The following PNCK variants were observed in gnomAD, a reference collection of about 807,000 sequenced individuals.
PNCK encodes pregnancy up-regulated nonubiquitous CaM kinase.
In PNCK, 21 loss-of-function variants were observed where a neutral mutation model predicts 28.3. The observed-to-expected ratio is 0.74, with a 90% CI of 0.53 to 1.07. The LOEUF is 1.07. PNCK is among the 50% of genes least tolerant of loss of function. The pLI is 0.00. For synonymous variants in PNCK, 136 were observed against 125.2 expected (o/e 1.09, Z -0.58); for missense variants, 250 against 298.3 (o/e 0.84, Z 1.19).
intron 1 of PNCK, 161 bp downstream of exon 1, chrX:153,673,619 T>A: frequency 1.4e-5 from 4 of 286,033 alleles, no homozygotes; most frequent in Non-Finnish European, 9.8e-6. Context: ...CCTGGCAGCC[T>A]GGGCCGCCCG....
At chrX:153,674,474 A>G, upstream of PNCK, 1 of 238,571 alleles carries the variant, frequency 4.2e-6, no homozygotes, top group Non-Finnish European at 7.6e-6. Context: ...CCCTGCCTGG[A>G]ATGTTCTTCG....
chrX:153,671,480 G>C (rs1474746768), intron 6 of PNCK, 69 bp downstream of exon 6: 2 of 1,209,036 alleles, frequency 1.7e-6, no homozygotes, highest in Non-Finnish European at 2.2e-6. Flanking sequence ...GGGCACAACA[G>C]CCTTCCCGGC....
At chrX:153,678,548 GGA>G (rs2091380316), upstream of PNCK, among the ~76,000 whole-genome samples, 1 of 112,399 alleles carries the variant, frequency 8.9e-6, no homozygotes, top group Non-Finnish European at 1.9e-5. Flanking sequence ...GTATAAAGGT[GGA>G]GAGGTTGCAG....
upstream of PNCK, chrX:153,674,146 C>A: frequency 8.3e-7 from 1 of 1,209,404 alleles, no homozygotes; most frequent in South Asian, 1.8e-5. Flanking sequence ...GACAGGCTGA[C>A]CCGGCCACTT....
chrX:153,677,575 G>GGA (rs1557041791), upstream of PNCK, among the ~76,000 whole-genome samples: 4 of 98,438 alleles, frequency 4.1e-5, no homozygotes, highest in Non-Finnish European at 6.0e-5. Context: ...TATATAGTGT[G>GGA]TATATATAGT....
At position 153,672,561 on chromosome X, in the gene PNCK, C is replaced by T. The variant is rs375477631; in HGVS notation, c.200+5G>A. On this transcript the variant is annotated splice_donor_5th_base_variant and intron_variant, in intron 3 of 11. Transcript: ENST00000340888. ...CCCCGTCCCAGGGCCCCGCGAGGTG[C>T]GCACCTACGGAGCACTGCGATCTCG... 5.8e-6 allele frequency: 7 copies of T among 1,203,058 alleles called. 1 individual carries two copies. Among genetic ancestry groups the T allele is most frequent in the Middle Eastern group, 4.7e-4 (2 of 4,256 alleles).
chrX:153,673,129 G>T, intron 1 of PNCK, 51 bp from the exon 2 acceptor site: 2 of 1,175,640 alleles, frequency 1.7e-6, no homozygotes, highest in Non-Finnish European at 2.3e-6. Context: ...CCCGCCGGGG[G>T]CAAGGGCAGC....
At chrX:153,687,124 A>G (rs1361675652) in intron 1 of PNCK, 1 of 132,838 alleles carries the variant, frequency 7.5e-6, no homozygotes, top group Admixed American at 8.6e-5. Flanking sequence ...GGCTCTTGCT[A>G]GGGAGGCCTG....
chrX:153,673,431 GC>G (rs2148342516), intron 1 of PNCK: 2 of 579,315 alleles, frequency 3.5e-6, no homozygotes, highest in East Asian at 4.2e-5. Flanking sequence ...CAGCGCCCAA[GC>G]CCCCACCCCC....
At chrX:153,685,872 C>A (rs1245793832) in intron 1 of PNCK, among the ~76,000 whole-genome samples, 2 of 112,512 alleles carry the variant, frequency 1.8e-5, no homozygotes, top group Non-Finnish European at 3.8e-5. Flanking sequence ...CAGCTGGGGG[C>A]GGGAGGCAGG....
At chrX:153,670,630 C>T (rs1442462117) in intron 10 of PNCK, 36 bp from the exon 11 acceptor site, 7 of 1,196,842 alleles carry the variant, frequency 5.8e-6, no homozygotes, top group South Asian at 1.8e-5. Context: ...CAGGCCTGGG[C>T]CCAGGCCCCA....
At chrX:153,674,168 G>T (rs1557041164), upstream of PNCK, 1 of 1,205,855 alleles carries the variant, frequency 8.3e-7, no homozygotes, top group Non-Finnish European at 1.1e-6. Context: ...CCCGAAAGCA[G>T]CCTCCATGCC....
chrX:153,676,585 C>T (rs1216745621), upstream of PNCK, among the ~76,000 whole-genome samples: 10 of 111,818 alleles, frequency 8.9e-5, no homozygotes, highest in Admixed American at 7.6e-4. Flanking sequence ...AAACTTATGC[C>T]GGGTGTGGTG....
chrX:153,675,568 C>T (rs2091360978), upstream of PNCK, among the ~76,000 whole-genome samples: 1 of 106,062 alleles, frequency 9.4e-6, no homozygotes, highest in Non-Finnish European at 1.9e-5. Flanking sequence ...CTCACTGTCG[C>T]CCAGGCTGGA....
At chrX:153,671,852 G>A in intron 5 of PNCK, 28 bp downstream of exon 5, 1 of 1,202,700 alleles carries the variant, frequency 8.3e-7, no homozygotes. Flanking sequence ...AGGTGGGAGG[G>A]TGGGGTGCAG....
At chrX:153,677,592 ATATATATAGTGTGTATATATATAGTG>A (rs2091373106), upstream of PNCK, among the ~76,000 whole-genome samples, 1 of 94,923 alleles carries the variant, frequency 1.1e-5, no homozygotes, top group African/African-American at 4.1e-5. Context: ...TAGTGTATAT[ATATATATAGTGTGTATATATATAGTG>A]TATATATATA....
chrX:153,685,477 C>T (rs1557043042), intron 1 of PNCK, among the ~76,000 whole-genome samples: 1 of 111,832 alleles, frequency 8.9e-6, no homozygotes, highest in Non-Finnish European at 1.9e-5. Context: ...CAAAGAGGCC[C>T]AGCTCGCCCT....
chrX:153,685,280 G>A (rs2048579877), intron 1 of PNCK, among the ~76,000 whole-genome samples: 1 of 111,403 alleles, frequency 9.0e-6, no homozygotes, highest in Non-Finnish European at 1.9e-5. Context: ...GGACGTGGGA[G>A]AGGACCCAGC....
At chrX:153,685,219 G>A (rs1373150876) in intron 1 of PNCK, among the ~76,000 whole-genome samples, 2 of 110,527 alleles carry the variant, frequency 1.8e-5, no homozygotes, top group Admixed American at 9.5e-5. Context: ...TGCTGCCCCC[G>A]GGCCGAGCCT....
Sources: gnomAD v4.1 joint callset for allele counts (sites outside exome capture counted in the v4.1 genomes callset) on GRCh38, gnomAD v4.1.1 for gene constraint, MANE v1.5 for transcripts, NCBI Gene and HGNC (gene_info 2026-07-23, HGNC 2026-07-21) for gene names.